The following TFDP2 variants were observed in gnomAD, a reference collection of about 807,000 sequenced individuals.
TFDP2 encodes transcription factor Dp-2.
A neutral mutation model predicts 59.3 loss-of-function variants in TFDP2; 17 were observed. The observed-to-expected ratio is 0.29, with a 90% CI of 0.20 to 0.43. The LOEUF (loss-of-function observed/expected upper bound fraction) is 0.43, where lower values mean the gene tolerates loss of function less well. TFDP2 is among the 20% of genes least tolerant of loss of function. The pLI is 1.00. For synonymous variants in TFDP2, 180 were observed against 194.7 expected (o/e 0.92, Z 0.63); for missense variants, 391 against 528.8 (o/e 0.74, Z 2.56).
chr3:142,052,653 C>A (rs1263692018), intron 3 of TFDP2, among the ~76,000 whole-genome samples: 1 of 152,014 alleles, frequency 6.6e-6, no homozygotes, highest in East Asian at 1.9e-4. Context: ...TGGTCTCTAA[C>A]TCCTGGGCTC....
intron 1 of TFDP2, among the ~76,000 whole-genome samples, chr3:142,108,643 T>C (rs2061555765): frequency 6.6e-6 from 1 of 152,258 alleles, no homozygotes; most frequent in Admixed American, 6.5e-5. Flanking sequence ...TACTGTGATT[T>C]ATTTGACTAG....
At chr3:142,125,984 TTAAGA>T (rs1389470509) in intron 1 of TFDP2, among the ~76,000 whole-genome samples, 2 of 152,086 alleles carry the variant, frequency 1.3e-5, no homozygotes, top group African/African-American at 4.8e-5. Flanking sequence ...CAGACATATT[TTAAGA>T]TATTTTAGAT....
At chr3:142,018,674 G>A (rs1198596324) in intron 3 of TFDP2, among the ~76,000 whole-genome samples, 1 of 151,752 alleles carries the variant, frequency 6.6e-6, no homozygotes, top group East Asian at 2.0e-4. Flanking sequence ...TGAACTCCTG[G>A]GCTCAAGCAA....
chr3:142,062,769 G>GAATA (rs143329102), intron 3 of TFDP2, among the ~76,000 whole-genome samples: 12,838 of 152,092 alleles, frequency 0.084, 683 homozygotes, highest in Middle Eastern at 0.14. Flanking sequence ...ACATTAAAGT[G>GAATA]AATAATGGTT....
At chr3:142,025,030 A>G (rs1945963794) in intron 3 of TFDP2, among the ~76,000 whole-genome samples, 1 of 152,070 alleles carries the variant, frequency 6.6e-6, no homozygotes, top group South Asian at 2.1e-4. Flanking sequence ...CAAAGAAAAA[A>G]AAAAAAAGAT....
At chr3:141,975,968 C>T (rs1940580402) in intron 7 of TFDP2, among the ~76,000 whole-genome samples, 1 of 152,052 alleles carries the variant, frequency 6.6e-6, no homozygotes, top group African/African-American at 2.4e-5. Flanking sequence ...GCAACCTCCA[C>T]CTTCTGGGTT....
At position 142,026,319 on chromosome 3, in the gene TFDP2, CAAAAAAACAACAA is replaced by C. The variant is rs372933862; in HGVS notation, c.83-20788_83-20776del. ...GCAGCGAGATTCCGTCTCAAAAAAACAAAAAAACAACAAAAAAAAACAACAAAAAAATAACTTC... is the reference window on the plus strand; with the variant it reads ...GCAGCGAGATTCCGTCTCAAAAAAACAAAAAAACAACAAAAAAATAACTTC... On this transcript the variant is annotated intron_variant, in intron 3 of 12. Coordinates refer to ENST00000489671, the MANE Select transcript of TFDP2 (RefSeq NM_001178139.2). Among the ~76,000 whole-genome samples, 182 of 148,292 alleles carry C rather than the reference CAAAAAAACAACAA, an allele frequency of 1.2e-3. 1 individual carries two copies. Among genetic ancestry groups the C allele is most frequent in the African/African-American group, 3.7e-3 (154 of 41,144 alleles).
At chr3:141,968,465 T>C (rs867847175) in intron 9 of TFDP2, among the ~76,000 whole-genome samples, 1 of 80,442 alleles carries the variant, frequency 1.2e-5, no homozygotes, top group Non-Finnish European at 2.3e-5. Context: ...CATATATAGA[T>C]ATATATATAA....
chr3:142,076,245 T>C (rs1252856102), intron 3 of TFDP2, among the ~76,000 whole-genome samples: 1 of 151,866 alleles, frequency 6.6e-6, no homozygotes, highest in Non-Finnish European at 1.5e-5. Flanking sequence ...AAAAAAGTTT[T>C]ATCCAGAATT....
chr3:142,134,207 G>C (rs1176701982), intron 1 of TFDP2, among the ~76,000 whole-genome samples: 1 of 151,648 alleles, frequency 6.6e-6, no homozygotes, highest in African/African-American at 2.4e-5. Context: ...AAATTAGCTG[G>C]GCGTGGTGGC....
chr3:142,134,741 C>T (rs1235131255), intron 1 of TFDP2, among the ~76,000 whole-genome samples: 1 of 152,016 alleles, frequency 6.6e-6, no homozygotes, highest in Non-Finnish European at 1.5e-5. Context: ...CTAATATTAA[C>T]ACATAGATAG....
chr3:142,111,713 G>A (rs138720805), intron 1 of TFDP2, among the ~76,000 whole-genome samples: 95 of 152,172 alleles, frequency 6.2e-4, no homozygotes, highest in Admixed American at 5.0e-3. Context: ...GCAAGGCAAC[G>A]GGCTGCTAAG....
intron 3 of TFDP2, among the ~76,000 whole-genome samples, chr3:142,072,078 A>G (rs568721498): frequency 1.3e-5 from 2 of 152,336 alleles, no homozygotes; most frequent in African/African-American, 4.8e-5. Flanking sequence ...CATTTAGAAG[A>G]CAAAGGAAAT....
chr3:142,131,688 G>GT lies in TFDP2; in HGVS notation c.-93+17494dup, dbSNP rs543860655. On this transcript the variant is annotated intron_variant, in intron 1 of 12. Transcript: ENST00000489671. ...TAGTAATAAATGTAGTAAGAAATGC[G>GT]TAACGCCTATCAGAAAGAATTAAAA... 2.5e-4 allele frequency among the ~76,000 whole-genome samples: 37 copies of GT among 150,190 alleles called. 2 individuals carry two copies. Among genetic ancestry groups the GT allele is most frequent in the Non-Finnish European group, 4.3e-4 (29 of 67,968 alleles).
At chr3:141,978,841 T>C (rs1941103123) in intron 6 of TFDP2, among the ~76,000 whole-genome samples, 159 bp from the exon 7 acceptor site, 1 of 152,228 alleles carries the variant, frequency 6.6e-6, no homozygotes, top group Non-Finnish European at 1.5e-5. Context: ...TTAAACTTAC[T>C]TTTTGCCTTA....
At chr3:142,043,023 T>C (rs1359062587) in intron 3 of TFDP2, among the ~76,000 whole-genome samples, 4 of 151,022 alleles carry the variant, frequency 2.6e-5, no homozygotes, top group African/African-American at 9.8e-5. Context: ...ATTACAGGCG[T>C]GAGCCACCGT....
intron 3 of TFDP2, among the ~76,000 whole-genome samples, chr3:142,086,350 C>T (rs1261842776): frequency 1.3e-5 from 2 of 152,168 alleles, no homozygotes; most frequent in Non-Finnish European, 2.9e-5. Context: ...AGCCATAATA[C>T]TGTCCCCCAC....
intron 3 of TFDP2, among the ~76,000 whole-genome samples, chr3:142,072,708 T>C (rs540456271): frequency 1.3e-5 from 2 of 152,308 alleles, no homozygotes; most frequent in African/African-American, 2.4e-5. Context: ...CCAATGGCCA[T>C]ATCTGGAAAT....
At chr3:141,986,678 T>C (rs113512315) in intron 6 of TFDP2, among the ~76,000 whole-genome samples, 11,330 of 152,250 alleles carry the variant, frequency 0.074, 527 homozygotes, top group Non-Finnish European at 0.11. Context: ...AGGAACAGAA[T>C]TGATGAGTTA....
Sources: allele counts gnomAD v4.1 joint callset (sites outside exome capture counted in the v4.1 genomes callset), GRCh38; gene constraint gnomAD v4.1.1; transcripts MANE v1.5; gene names NCBI Gene and HGNC (gene_info 2026-07-23, HGNC 2026-07-21).